The following RAD9B variants were observed in gnomAD, a reference collection of about 807,000 sequenced individuals.
The protein encoded by RAD9B is RAD9 checkpoint clamp component B.
Under a neutral mutation model 48.3 loss-of-function variants are expected in RAD9B, and 41 were observed. That is an observed-to-expected ratio of 0.85 (90% CI 0.66 to 1.10). The LOEUF is 1.10. Ranked by LOEUF, RAD9B falls within the 50% of genes least tolerant of loss-of-function variation. The probability of loss-of-function intolerance (pLI) is 0.00; values close to 1 mark genes in which losing one functional copy is unlikely to be tolerated. For missense variants in RAD9B, 444 were observed against 485.1 expected (o/e 0.92, Z 0.80); for synonymous variants, 160 against 157.9 (o/e 1.01, Z -0.10).
chr12:110,519,933 ACTT>A lies in RAD9B; in HGVS notation c.890+21_890+23del. On this transcript the variant is annotated intron_variant, in intron 9 of 10. Transcript: ENST00000409300. ...ACGAAAAAGGTAAGACTGTGTTTTA[ACTT>A]CTTTATTACTTGGGACAAGCCATCA... is the stretch of plus-strand genomic sequence containing the variant. 1 of 1,606,932 alleles carries A rather than the reference ACTT, an allele frequency of 6.2e-7. No individual in the cohort carries two copies. Among genetic ancestry groups the A allele is most frequent in the Non-Finnish European group, 8.5e-7 (1 of 1,177,354 alleles).
At chr12:110,504,618 A>G (rs1027949400) in intron 2 of RAD9B, among the ~76,000 whole-genome samples, 2 of 152,144 alleles carry the variant, frequency 1.3e-5, no homozygotes, top group Admixed American at 1.3e-4. Flanking sequence ...CCGCTTAGAC[A>G]AGGTGTGAGA....
Position 110,531,138 on chromosome 12 carries a change from A to G in RAD9B, c.*485A>G. 1 of 993,332 alleles carries G rather than the reference A, an allele frequency of 1.0e-6. No individual in the cohort carries two copies. Among genetic ancestry groups the G allele is most frequent in the Non-Finnish European group, 1.2e-6 (1 of 834,182 alleles). The allele number at this position is 993,332 out of a possible 1,614,324, so 61.5% of individuals were successfully genotyped here. ...TTTGTGCATTGTTTTTTATATTTTA[A>G]GACTTTAAGTAGAATAAACCCTGGA... On this transcript the variant is annotated 3_prime_UTR_variant, in exon 11 of 11. Coordinates refer to ENST00000409300, the MANE Select transcript of RAD9B (RefSeq NM_001286535.2).
chr12:110,519,687 T>G, intron 8 of RAD9B, 107 bp from the exon 9 acceptor site: 1 of 1,267,136 alleles, frequency 7.9e-7, no homozygotes, highest in Non-Finnish European at 1.1e-6. Context: ...CCACCCGCCT[T>G]GGCCTCCCCT....
In RAD9B at chr12:110,531,605, T is replaced by A. The variant is rs1174532782; in HGVS notation, c.*952T>A. The A allele has an allele frequency of 6.2e-7, 1 of 1,611,280 alleles. No individual in the cohort carries two copies. The highest frequency in any genetic ancestry group is 2.2e-5 in the East Asian group (1 of 44,848). On this transcript the variant is annotated 3_prime_UTR_variant, in exon 11 of 11. Transcript: ENST00000409300. ...GCAGGAAAGAATTTAATGGAAGTGA[T>A]GCCAAATATTTCTGTATTATCTGAC...
At chr12:110,527,695 G>T (rs748945554) in intron 10 of RAD9B, among the ~76,000 whole-genome samples, 1 of 152,186 alleles carries the variant, frequency 6.6e-6, no homozygotes, top group Admixed American at 6.5e-5. Context: ...ATCACGTATC[G>T]GGACTAGGGT....
chr12:110,507,391 A>T (rs1005394549), intron 4 of RAD9B, among the ~76,000 whole-genome samples: 20 of 142,768 alleles, frequency 1.4e-4, no homozygotes, highest in Non-Finnish European at 2.4e-4. Flanking sequence ...TATTATATAT[A>T]ATATATAATA....
chr12:110,505,874 C>A, intron 3 of RAD9B, 102 bp downstream of exon 3: 1 of 841,370 alleles, frequency 1.2e-6, no homozygotes. Flanking sequence ...GCATTCAGGA[C>A]AAATCTGTTC....
At chr12:110,530,254 T>C (rs1322154861) in intron 10 of RAD9B, among the ~76,000 whole-genome samples, 1 of 151,930 alleles carries the variant, frequency 6.6e-6, no homozygotes, top group African/African-American at 2.4e-5. Flanking sequence ...ACCATGTTAG[T>C]CAGGATGGTC....
intron 10 of RAD9B, among the ~76,000 whole-genome samples, chr12:110,523,455 C>T (rs757074972): frequency 2.6e-4 from 40 of 152,118 alleles, no homozygotes; most frequent in Non-Finnish European, 5.0e-4. Context: ...CACCATATTA[C>T]GCTGTATATG....
chr12:110,528,866 T>G (rs1050889967), intron 10 of RAD9B, among the ~76,000 whole-genome samples: 9 of 152,180 alleles, frequency 5.9e-5, no homozygotes, highest in African/African-American at 2.2e-4. Flanking sequence ...TAGCTGGGAT[T>G]ACAGGCATGC....
chr12:110,518,500 A>T (rs2063677210), intron 6 of RAD9B, among the ~76,000 whole-genome samples, 176 bp from the exon 7 acceptor site: 1 of 152,240 alleles, frequency 6.6e-6, no homozygotes, highest in Non-Finnish European at 1.5e-5. Flanking sequence ...AAAATATTAA[A>T]TTTCTCTTTT....
At position 110,518,902 on chromosome 12, in the gene RAD9B, A is replaced by G. The variant is rs1409319472; in HGVS notation, c.731A>G (p.His244Arg). The G allele has an allele frequency of 6.3e-7, 1 of 1,577,712 alleles. No individual in the cohort carries two copies. The highest frequency in any genetic ancestry group is 8.6e-7 in the Non-Finnish European group (1 of 1,161,146). Residue 244 changes from histidine (H) to arginine (R), a missense_variant, in exon 8 of 11, where the codon CAT (histidine) becomes CGT (arginine). Transcript: ENST00000409300. ...ATACTGACATTTTCAGAAGCTACAC[A>G]TGCTCCTATATCCATTTATTTTGAT... is the stretch of plus-strand genomic sequence containing the variant. The part of the protein sequence containing the change: ...KGILTFSEAT[H>R]APISIYFDFP...
In RAD9B at chr12:110,533,489, T is replaced by C. The variant is rs934274287; in HGVS notation, c.*2836T>C. 1.3e-5 allele frequency: 2 copies of C among 152,234 alleles called. No homozygotes were observed. Among genetic ancestry groups the C allele is most frequent in the African/African-American group, 4.8e-5 (2 of 41,462 alleles). The allele number at this position is 152,234 out of a possible 1,614,324, so 9.4% of individuals were successfully genotyped here. On this transcript the variant is annotated 3_prime_UTR_variant, in exon 11 of 11. Transcript: ENST00000409300. The stretch of plus-strand genomic sequence containing the variant: ...CCTGCTAACAGTTAAAATTCTGACA[T>C]GGACACGTTTTAGTTGAGAAGTTCA...
At chr12:110,507,319 A>G (rs1334884793) in intron 4 of RAD9B, among the ~76,000 whole-genome samples, 1 of 147,196 alleles carries the variant, frequency 6.8e-6, no homozygotes, top group Non-Finnish European at 1.5e-5. Flanking sequence ...TCTAAAATTT[A>G]CTAGCTGCTT....
chr12:110,502,606 G>A (rs1416040922), intron 1 of RAD9B: 2 of 569,444 alleles, frequency 3.5e-6, no homozygotes, highest in Non-Finnish European at 6.3e-6. Context: ...GGTGGTATCC[G>A]GGAAATAGAG....
chr12:110,508,815 C>T (rs2063369364), intron 4 of RAD9B, among the ~76,000 whole-genome samples: 1 of 152,030 alleles, frequency 6.6e-6, no homozygotes, highest in Non-Finnish European at 1.5e-5. Context: ...AACAAAGTCT[C>T]ACTCTGTCAC....
At chr12:110,519,663 C>T in intron 8 of RAD9B, 131 bp from the exon 9 acceptor site, 1 of 940,544 alleles carries the variant, frequency 1.1e-6, no homozygotes, top group Non-Finnish European at 1.5e-6. Context: ...CTCAAACTCG[C>T]AACCTCAGAT....
At chr12:110,506,750 G>T in intron 4 of RAD9B, 57 bp downstream of exon 4, 1 of 823,508 alleles carries the variant, frequency 1.2e-6, no homozygotes. Flanking sequence ...TAGTTTTCAT[G>T]TTTAGAACAT....
At position 110,518,862 on chromosome 12, in the gene RAD9B, T is replaced by G. The variant is rs1593084416; in HGVS notation, c.703-12T>G. ...AAGGATTTTAAGTTTTTTTCTTCTT[T>G]TCTTTTTTCAGGGAATACTGACATT... On this transcript the variant is annotated splice_polypyrimidine_tract_variant and intron_variant, in intron 7 of 10. Coordinates refer to ENST00000409300, the MANE Select transcript of RAD9B (RefSeq NM_001286535.2). 4 of 1,577,592 alleles carry G rather than the reference T, an allele frequency of 2.5e-6. No homozygotes were observed. The highest frequency in any genetic ancestry group is 3.4e-6 in the Non-Finnish European group (4 of 1,161,822).
Sources: allele counts gnomAD v4.1 joint callset (sites outside exome capture counted in the v4.1 genomes callset), GRCh38; gene constraint gnomAD v4.1.1; transcripts MANE v1.5; gene names NCBI Gene and HGNC (gene_info 2026-07-23, HGNC 2026-07-21).